FBH1: variants seen among roughly 807,000 people sequenced by gnomAD.
The protein encoded by FBH1 is DNA 3'-5' helicase 1.
A neutral mutation model predicts 115.5 loss-of-function variants in FBH1; 43 were observed. The ratio of observed to expected loss-of-function variants is 0.37; its 90% CI spans 0.29 to 0.48. FBH1 has a LOEUF of 0.48. Among genes scored for constraint, FBH1 ranks in the 20% least tolerant of loss-of-function variants. The pLI is 0.99. For synonymous variants in FBH1, 524 were observed against 507.8 expected (o/e 1.03, Z -0.43); for missense variants, 1,001 against 1,337.3 (o/e 0.75, Z 3.92).
rs1018427381 is a variant in FBH1, at chr10:5,910,590, A to C, written c.1021-348A>C. Among the ~76,000 whole-genome samples the C allele has an allele frequency of 1.3e-5, 2 of 152,160 alleles. No homozygotes were observed. Among genetic ancestry groups the C allele is most frequent in the Non-Finnish European group, 2.9e-5 (2 of 68,032 alleles). On this transcript the variant is annotated intron_variant, in intron 5 of 20. Transcript: ENST00000362091. The surrounding 1 kb of genome is among the most constrained non-coding windows in gnomAD (Gnocchi z 4.8). Reference sequence around the variant, plus strand: ...GTTTTGCTCTGGCCCTGCCAAGCACATATGGACCTGAGAGCCCCCATGGCC... The same window carrying C: ...GTTTTGCTCTGGCCCTGCCAAGCACCTATGGACCTGAGAGCCCCCATGGCC...
rs1833282369 is a variant in FBH1 at position 5,935,574 on chromosome 10, T to TTA, written c.2830-881_2830-880dup. On this transcript the variant is annotated intron_variant, in intron 19 of 20. Transcript: ENST00000362091. The surrounding 1 kb of genome is among the most constrained non-coding windows in gnomAD (Gnocchi z 5.2). ...AGACAGGATTTCACCTCGTCAGCTGTTAGTACTTGTTGGCCATAACTGGAG... is the reference window on the plus strand; with the variant it reads ...AGACAGGATTTCACCTCGTCAGCTGTTATAGTACTTGTTGGCCATAACTGGAG... The TTA allele has an allele frequency of 2.0e-5, 3 of 152,204 alleles. No individual in the cohort carries two copies. The highest frequency in any genetic ancestry group is 4.4e-5 in the Non-Finnish European group (3 of 68,038). The allele number at this position is 152,204 out of a possible 1,614,324, so 9.4% of individuals were successfully genotyped here. A position where few individuals can be genotyped will look rare whatever the true frequency, so the allele number is the denominator to read the frequency against.
At position 5,925,980 on chromosome 10, in the gene FBH1, AG is replaced by A. The variant is rs1832623114; in HGVS notation, c.2722+490del. 6.6e-6 allele frequency among the ~76,000 whole-genome samples: 1 copy of A among 152,172 alleles called. No individual in the cohort carries two copies. Among genetic ancestry groups the A allele is most frequent in the Non-Finnish European group, 1.5e-5 (1 of 68,040 alleles). On this transcript the variant is annotated intron_variant, in intron 18 of 20. Coordinates refer to ENST00000362091, the MANE Select transcript of FBH1 (RefSeq NM_178150.3). The surrounding 1 kb of genome is among the most constrained non-coding windows in gnomAD (Gnocchi z 4.6). ...AGACAGGGGTCTCACTATGTTGCTC[AG>A]GCTGGTCTCAAAGTCTTAGGCTCAA...
chr10:5,895,113 G>C lies in FBH1; in HGVS notation c.1+4767G>C. ...TGTGATAATGGGCTACATTGCGCAG[G>C]GCCCCTGGGCCATCTCCACAGGAGA... On this transcript the variant is annotated intron_variant, in intron 1 of 20. Coordinates refer to ENST00000362091, the MANE Select transcript of FBH1 (RefSeq NM_178150.3). The surrounding 1 kb of genome is among the most constrained non-coding windows in gnomAD (Gnocchi z 5.0). 6.2e-7 allele frequency: 1 copy of C among 1,614,002 alleles called. No individual in the cohort carries two copies.
intron 2 of FBH1, among the ~76,000 whole-genome samples, chr10:5,904,165 G>A (rs1032769269): frequency 4.6e-5 from 7 of 151,872 alleles, no homozygotes; most frequent in African/African-American, 1.7e-4. Flanking sequence ...CAAGTAGCTG[G>A]GACTTACAGG....
At position 5,897,366 on chromosome 10, in the gene FBH1, T is replaced by C. The variant is rs1843070730; in HGVS notation, c.2-5654T>C. 6.6e-6 allele frequency among the ~76,000 whole-genome samples: 1 copy of C among 151,906 alleles called. No individual in the cohort carries two copies. The highest frequency in any genetic ancestry group is 1.5e-5 in the Non-Finnish European group (1 of 67,904). On this transcript the variant is annotated intron_variant, in intron 1 of 20. Transcript: ENST00000362091. This position sits in a 1 kb window ranked among gnomAD's most constrained non-coding sequence, Gnocchi z 4.7. The stretch of plus-strand genomic sequence containing the variant: ...GGAACATTAAGTGTAAAGCGTGTAA[T>C]TGCAGAGGAGGTGGACACAGGGCTC...
In FBH1 at chr10:5,924,777, G is replaced by A; in HGVS notation, c.2596+269G>A. On this transcript the variant is annotated intron_variant, in intron 17 of 20. Coordinates refer to ENST00000362091, the MANE Select transcript of FBH1 (RefSeq NM_178150.3). The surrounding 1 kb of genome is among the most constrained non-coding windows in gnomAD (Gnocchi z 6.2). ...GATGGAGTCTCACCATGTTGGCCAGGCTGGTCTCGAACTCCCAACCTCAGG... is the reference window on the plus strand; with the variant it reads ...GATGGAGTCTCACCATGTTGGCCAGACTGGTCTCGAACTCCCAACCTCAGG... 2 of 521,316 alleles carry A rather than the reference G, an allele frequency of 3.8e-6. No homozygotes were observed. Among genetic ancestry groups the A allele is most frequent in the East Asian group, 1.0e-4 (2 of 19,764 alleles). 32.3% of individuals were successfully genotyped at this position (521,316 alleles called of 1,614,324 possible). A position where few individuals can be genotyped will look rare whatever the true frequency, so the allele number is the denominator to read the frequency against.
Position 5,918,310 on chromosome 10 carries a change from A to C in FBH1, c.1964-32A>C. ...TTTGCTGCCTGGGGTGGAGGCCTCA[A>C]GGTTTCTCACTTTTCCTCTCGTTGG... On this transcript the variant is annotated intron_variant, in intron 12 of 20. Coordinates refer to ENST00000362091, the MANE Select transcript of FBH1 (RefSeq NM_178150.3). This position sits in a 1 kb window ranked among gnomAD's most constrained non-coding sequence, Gnocchi z 4.0. The C allele has an allele frequency of 1.9e-6, 3 of 1,603,050 alleles. No homozygotes were observed. The highest frequency in any genetic ancestry group is 2.5e-6 in the Non-Finnish European group (3 of 1,177,316).
At chr10:5,920,173 A>T (rs1229849257) in intron 13 of FBH1, among the ~76,000 whole-genome samples, 1 of 152,192 alleles carries the variant, frequency 6.6e-6, no homozygotes, top group African/African-American at 2.4e-5. Context: ...CCAGTCAGGC[A>T]TTTGTAGGCT....
At chr10:5,927,169 G>A (rs1482407596) in intron 18 of FBH1, among the ~76,000 whole-genome samples, 2 of 152,196 alleles carry the variant, frequency 1.3e-5, no homozygotes, top group Non-Finnish European at 2.9e-5. Context: ...GTCACATCGC[G>A]GGTGTCAAAT....
Position 5,917,612 on chromosome 10 carries a change from G to A in FBH1, c.1899G>A (p.Leu633=). Residue 633 remains leucine, a synonymous_variant, in exon 12 of 21, where the codon CTG becomes CTA. Transcript: ENST00000362091. The surrounding 1 kb of genome is among the most constrained non-coding windows in gnomAD (Gnocchi z 5.6). The part of the protein sequence containing the change: ...THDGYLKLWQ[L]SKPSLASFDA... ...TAGGCTACTTGAAACTCTGGCAGCT[G>A]AGCAAGCCTTCGCTGGCCTCTTTTG... 1 of 1,614,140 alleles carries A rather than the reference G, an allele frequency of 6.2e-7. No homozygotes were observed. Among genetic ancestry groups the A allele is most frequent in the Non-Finnish European group, 8.5e-7 (1 of 1,180,030 alleles).
chr10:5,914,729 T>C lies in FBH1; in HGVS notation c.1396+460T>C, dbSNP rs928878617. ...GCCTCAGTCAGCCACGCCGATCCAC[T>C]CACAGCCTCCTGAAGTACTTGGTTA... On this transcript the variant is annotated intron_variant, in intron 8 of 20. Transcript: ENST00000362091. This position sits in a 1 kb window ranked among gnomAD's most constrained non-coding sequence, Gnocchi z 5.2. Among the ~76,000 whole-genome samples, 9 of 152,198 alleles carry C rather than the reference T, an allele frequency of 5.9e-5. No homozygotes were observed. The highest frequency in any genetic ancestry group is 2.2e-4 in the African/African-American group (9 of 41,452).
chr10:5,934,363 GGTTTTTTTTTTT>G (rs1350280061), intron 19 of FBH1: 2 of 55,294 alleles, frequency 3.6e-5, no homozygotes, highest in African/African-American at 1.2e-4. Flanking sequence ...TTCAAAGACA[GGTTTTTTTTTTT>G]GTTTTTTTTT....
Position 5,906,685 on chromosome 10 carries a change from C to T in FBH1, c.753+53C>T, listed in dbSNP as rs891754227. On this transcript the variant is annotated intron_variant, in intron 3 of 20. Transcript: ENST00000362091. The surrounding 1 kb of genome is among the most constrained non-coding windows in gnomAD (Gnocchi z 7.3). ...TTTCCTCTAAAAGCACGTAACTTTGCTTAATGCACGCTTATAATCAGAGGA... is the reference window on the plus strand; with the variant it reads ...TTTCCTCTAAAAGCACGTAACTTTGTTTAATGCACGCTTATAATCAGAGGA... The T allele has an allele frequency of 1.7e-5, 23 of 1,391,046 alleles. No individual in the cohort carries two copies. Among genetic ancestry groups the T allele is most frequent in the African/African-American group, 1.0e-4 (7 of 69,900 alleles). The allele number at this position is 1,391,046 out of a possible 1,614,324, so 86.2% of individuals were successfully genotyped here. A position where few individuals can be genotyped will look rare whatever the true frequency, so the allele number is the denominator to read the frequency against.
In FBH1 at chr10:5,913,949, G is replaced by A. The variant is rs1831769265; in HGVS notation, c.1304+110G>A. 1 of 906,774 alleles carries A rather than the reference G, an allele frequency of 1.1e-6. No homozygotes were observed. Among genetic ancestry groups the A allele is most frequent in the Non-Finnish European group, 1.7e-6 (1 of 581,294 alleles). 56.2% of individuals were successfully genotyped at this position (906,774 alleles called of 1,614,324 possible). On this transcript the variant is annotated intron_variant, in intron 7 of 20. Coordinates refer to ENST00000362091, the MANE Select transcript of FBH1 (RefSeq NM_178150.3). The surrounding 1 kb of genome is among the most constrained non-coding windows in gnomAD (Gnocchi z 4.4). The stretch of plus-strand genomic sequence containing the variant: ...TAGCAACATCATTGAGGTTAATAAT[G>A]TAAATTGTGTAAAACTCACCCATCC...
At chr10:5,912,901 G>GT (rs954954944) in intron 6 of FBH1, among the ~76,000 whole-genome samples, 7 of 152,254 alleles carry the variant, frequency 4.6e-5, no homozygotes, top group Admixed American at 6.5e-5. Flanking sequence ...GTTTCTTCCT[G>GT]TTTTTTCTGG....
At chr10:5,898,104 C>G (rs2131850160) in intron 1 of FBH1, among the ~76,000 whole-genome samples, 1 of 152,300 alleles carries the variant, frequency 6.6e-6, no homozygotes, top group Middle Eastern at 3.4e-3. Context: ...CTTCTTGACC[C>G]ACTCAGTATT....
chr10:5,906,408 T>C lies in FBH1; in HGVS notation c.529T>C (p.Ser177Pro), dbSNP rs1213713919. The C allele has an allele frequency of 6.2e-7, 1 of 1,613,892 alleles. No individual in the cohort carries two copies. The highest frequency in any genetic ancestry group is 1.1e-5 in the South Asian group (1 of 91,066). ...EDSTSRLSAE[S>P]GETDQDAGDV... ...CAGTACGTCTCGGCTCTCTGCGGAG[T>C]CTGGTGAAACCGACCAAGATGCTGG... The change falls in exon 3 of 21, where the codon TCT becomes CCT. Residue 177 changes from serine to proline, a missense_variant. Physicochemically the swap from Ser to Pro is moderately conservative, Grantham distance 74. This residue lies in a region of FBH1 where 420 missense variants were observed against 430.4 expected (regional missense o/e 0.98). Coordinates refer to ENST00000362091, the MANE Select transcript of FBH1 (RefSeq NM_178150.3). The surrounding 1 kb of genome is among the most constrained non-coding windows in gnomAD (Gnocchi z 7.3).
Position 5,906,342 on chromosome 10 carries a change from C to T in FBH1, c.463C>T (p.Pro155Ser). Reference protein sequence around the residue: ...KKAPRHHLSVPCTRPREARQE... With the variant: ...KKAPRHHLSVSCTRPREARQE... The stretch of plus-strand genomic sequence containing the variant: ...AGCTCCACGGCACCATTTGTCTGTG[C>T]CATGCACAAGGCCTAGGGAGGCCAG... Residue 155 changes from proline (P) to serine (S), a missense_variant, in exon 3 of 21, where the codon CCA becomes TCA. Pro to Ser is a moderately conservative substitution (Grantham distance 74). This residue lies in a region of FBH1 where 420 missense variants were observed against 430.4 expected (regional missense o/e 0.98). Transcript: ENST00000362091. The surrounding 1 kb of genome is among the most constrained non-coding windows in gnomAD (Gnocchi z 7.3). 2 of 1,614,226 alleles carry T rather than the reference C, an allele frequency of 1.2e-6. No homozygotes were observed. The highest frequency in any genetic ancestry group is 1.7e-6 in the Non-Finnish European group (2 of 1,180,026).
At chr10:5,927,008 A>G (rs1293500238) in intron 18 of FBH1, among the ~76,000 whole-genome samples, 1 of 152,234 alleles carries the variant, frequency 6.6e-6, no homozygotes, top group Non-Finnish European at 1.5e-5. Flanking sequence ...AAGGAAATGG[A>G]AAGAGACGAG....
Sources: allele counts gnomAD v4.1 joint callset (sites outside exome capture counted in the v4.1 genomes callset), GRCh38; gene constraint gnomAD v4.1.1; regional missense constraint gnomAD v4.1.1; non-coding constraint Gnocchi (gnomAD v3.1); transcripts MANE v1.5; gene names NCBI Gene and HGNC (gene_info 2026-07-23, HGNC 2026-07-21).